UNC5D: variants seen among roughly 807,000 people sequenced by gnomAD.
UNC5D encodes netrin receptor UNC5D.
In UNC5D, 39 loss-of-function variants were observed where a neutral mutation model predicts 105.4. That is an observed-to-expected ratio of 0.37 (90% CI 0.29 to 0.48). The LOEUF (loss-of-function observed/expected upper bound fraction) is 0.48, where lower values mean the gene tolerates loss of function less well. Among genes scored for constraint, UNC5D ranks in the 20% least tolerant of loss-of-function variants. UNC5D has a pLI of 0.98. For missense variants in UNC5D, 991 were observed against 1,202.4 expected (o/e 0.82, Z 2.60); for synonymous variants, 452 against 450.4 (o/e 1.00, Z -0.04).
intron 1 of UNC5D, among the ~76,000 whole-genome samples, chr8:35,273,748 G>A (rs1805582424): frequency 6.6e-6 from 1 of 152,164 alleles, no homozygotes; most frequent in Non-Finnish European, 1.5e-5. Flanking sequence ...CTTGACCGAT[G>A]GGTGTTTTTT....
At chr8:35,661,378 C>T (rs182992047) in intron 4 of UNC5D, among the ~76,000 whole-genome samples, 343 of 152,252 alleles carry the variant, frequency 2.3e-3, no homozygotes, top group Admixed American at 4.6e-3. Flanking sequence ...TTGGTTCTAA[C>T]GTCCTCTTTG....
At chr8:35,473,868 G>A (rs143669398) in intron 1 of UNC5D, among the ~76,000 whole-genome samples, 181 of 152,270 alleles carry the variant, frequency 1.2e-3, no homozygotes, top group African/African-American at 4.3e-3. Flanking sequence ...ACAGAAATTT[G>A]TTGGCTCTGA....
intron 1 of UNC5D, among the ~76,000 whole-genome samples, chr8:35,390,898 G>C (rs1803729690): frequency 6.6e-6 from 1 of 152,148 alleles, no homozygotes; most frequent in African/African-American, 2.4e-5. Context: ...ATAAAAATAG[G>C]AACAAAATCT....
intron 1 of UNC5D, among the ~76,000 whole-genome samples, chr8:35,394,684 A>G (rs1220837263): frequency 6.6e-6 from 1 of 152,178 alleles, no homozygotes; most frequent in Admixed American, 6.5e-5. Flanking sequence ...AGCAAAAACT[A>G]CAATGAGATA....
intron 1 of UNC5D, among the ~76,000 whole-genome samples, chr8:35,428,691 G>A (rs1806423198): frequency 6.6e-6 from 1 of 152,022 alleles, no homozygotes; most frequent in Admixed American, 6.6e-5. Context: ...TGAAGCTGGT[G>A]TTGAACCCTT....
At chr8:35,510,702 A>G (rs1259717764) in intron 1 of UNC5D, among the ~76,000 whole-genome samples, 4 of 152,132 alleles carry the variant, frequency 2.6e-5, no homozygotes, top group Non-Finnish European at 5.9e-5. Flanking sequence ...CCTGCTGTCT[A>G]TAAGTTCGAG....
At chr8:35,236,426 A>G (rs1219730680) in intron 1 of UNC5D, among the ~76,000 whole-genome samples, 1 of 1,176 alleles carries the variant, frequency 8.5e-4, no homozygotes, top group Non-Finnish European at 2.0e-3. Context: ...CCTTAGCCCG[A>G]GGTCCCAGCC....
chr8:35,369,883 A>G (rs886602927), intron 1 of UNC5D, among the ~76,000 whole-genome samples: 1 of 152,158 alleles, frequency 6.6e-6, no homozygotes, highest in African/African-American at 2.4e-5. Flanking sequence ...TGATGTAAGC[A>G]ATGGAGAATT....
At chr8:35,358,950 C>T (rs7813832) in intron 1 of UNC5D, among the ~76,000 whole-genome samples, 1 of 152,012 alleles carries the variant, frequency 6.6e-6, no homozygotes, top group Non-Finnish European at 1.5e-5. Context: ...AATTATGATT[C>T]CCATGAATAG....
intron 1 of UNC5D, among the ~76,000 whole-genome samples, chr8:35,470,494 G>A (rs946730755): frequency 9.3e-5 from 14 of 151,020 alleles, no homozygotes; most frequent in Non-Finnish European, 1.5e-4. Flanking sequence ...GCTGACTCAC[G>A]CCTGTAATCT....
intron 4 of UNC5D, among the ~76,000 whole-genome samples, chr8:35,638,728 T>A (rs368116524): frequency 6.6e-6 from 1 of 152,074 alleles, no homozygotes; most frequent in Non-Finnish European, 1.5e-5. Flanking sequence ...CAAGCCCAGA[T>A]GTTGGAGGTG....
chr8:35,683,452 C>T, intron 4 of UNC5D, 95 bp from the exon 5 acceptor site: 1 of 1,250,842 alleles, frequency 8.0e-7, no homozygotes, highest in Non-Finnish European at 1.1e-6. Flanking sequence ...ATTTTAGATA[C>T]ATCTCTCTCC....
chr8:35,671,488 C>G (rs1204248829), intron 4 of UNC5D, among the ~76,000 whole-genome samples: 2 of 152,130 alleles, frequency 1.3e-5, no homozygotes, highest in African/African-American at 4.8e-5. Context: ...GCATAAAGAA[C>G]TTTTGTTTGG....
At chr8:35,680,761 C>T (rs1413365156) in intron 4 of UNC5D, among the ~76,000 whole-genome samples, 1 of 152,142 alleles carries the variant, frequency 6.6e-6, no homozygotes, top group Non-Finnish European at 1.5e-5. Context: ...AGGAGCACTG[C>T]CCACAGGGCT....
At chr8:35,728,333 A>G (rs559175795) in intron 10 of UNC5D, among the ~76,000 whole-genome samples, 1 of 151,862 alleles carries the variant, frequency 6.6e-6, no homozygotes, top group Non-Finnish European at 1.5e-5. Flanking sequence ...GCCATGACCA[A>G]CCCGTTCATT....
intron 1 of UNC5D, among the ~76,000 whole-genome samples, chr8:35,384,434 C>T (rs1199490935): frequency 6.6e-6 from 1 of 152,158 alleles, no homozygotes; most frequent in Non-Finnish European, 1.5e-5. Context: ...TATCTCTCCT[C>T]TCCTGCCCCC....
At chr8:35,761,080 C>T (rs1801511633) in intron 14 of UNC5D, among the ~76,000 whole-genome samples, 1 of 152,006 alleles carries the variant, frequency 6.6e-6, no homozygotes, top group Non-Finnish European at 1.5e-5. Context: ...ACATTTTTTC[C>T]ATAGAGAGAA....
intron 4 of UNC5D, among the ~76,000 whole-genome samples, chr8:35,667,635 C>G (rs1243579041): frequency 2.0e-5 from 3 of 152,170 alleles, no homozygotes; most frequent in African/African-American, 7.2e-5. Context: ...ACATACCAAT[C>G]ACCAAAAATT....
chr8:35,635,288 C>T (rs569468418), intron 4 of UNC5D, among the ~76,000 whole-genome samples: 1 of 152,230 alleles, frequency 6.6e-6, no homozygotes, highest in Non-Finnish European at 1.5e-5. Flanking sequence ...AATGATACTC[C>T]TATGTATTGA....
Sources: allele counts gnomAD v4.1 joint callset (sites outside exome capture counted in the v4.1 genomes callset), GRCh38; gene constraint gnomAD v4.1.1; transcripts MANE v1.5; gene names NCBI Gene and HGNC (gene_info 2026-07-23, HGNC 2026-07-21).